Variants in SPIDR observed in about 807,000 individuals in gnomAD.
SPIDR encodes the protein DNA repair-scaffolding protein.
Under a neutral mutation model 104.6 loss-of-function variants are expected in SPIDR, and 93 were observed. The ratio of observed to expected loss-of-function variants is 0.89; its 90% CI spans 0.75 to 1.06. The LOEUF is 1.06. Among genes scored for constraint, SPIDR ranks in the 50% least tolerant of loss-of-function variants. SPIDR has a pLI of 0.00. For missense variants in SPIDR, 1,154 were observed against 1,111.2 expected (o/e 1.04, Z -0.55); for synonymous variants, 431 against 416.9 (o/e 1.03, Z -0.41).
chr8:47,333,943 T>C (rs2362555), intron 5 of SPIDR, among the ~76,000 whole-genome samples: 51,088 of 152,100 alleles, frequency 0.34, 9,558 homozygotes, highest in African/African-American at 0.5. Flanking sequence ...CCTCTAAGCA[T>C]TGCTTTCACT....
intron 10 of SPIDR, among the ~76,000 whole-genome samples, chr8:47,623,175 C>A (rs910998836): frequency 6.6e-6 from 1 of 152,160 alleles, no homozygotes; most frequent in African/African-American, 2.4e-5. Flanking sequence ...TTACCACAGA[C>A]AAGCAAATGC....
intron 8 of SPIDR, among the ~76,000 whole-genome samples, chr8:47,507,621 A>G (rs2081686878): frequency 1.3e-5 from 2 of 152,280 alleles, no homozygotes; most frequent in South Asian, 4.1e-4. Flanking sequence ...TTAATTTTGG[A>G]TGCTATTCAC....
At chr8:47,331,965 C>CTTTTTTTTTTTTTTTTTTTTCT (rs2048750319) in intron 5 of SPIDR, among the ~76,000 whole-genome samples, 1 of 32,702 alleles carries the variant, frequency 3.1e-5, no homozygotes, top group Non-Finnish European at 6.6e-5. Context: ...TTTTTTTAAA[C>CTTTTTTTTTTTTTTTTTTTTCT]TTTTTTTTTT....
At position 47,392,861 on chromosome 8, in the gene SPIDR, G is replaced by T. The variant is rs2060767877; in HGVS notation, c.526-3515G>T. 2.6e-5 allele frequency among the ~76,000 whole-genome samples: 4 copies of T among 152,118 alleles called. No individual in the cohort carries two copies. The South Asian group carries it at 8.3e-4, about 32-fold the overall frequency. On this transcript the variant is annotated intron_variant, in intron 5 of 19. Coordinates refer to ENST00000297423, the MANE Select transcript of SPIDR (RefSeq NM_001080394.4). Reference sequence around the variant, plus strand: ...TTTTATCTTCCGTTTATTCTTTAAGGCACATTCTTACCAAGGTCCCATGGA... The same window carrying T: ...TTTTATCTTCCGTTTATTCTTTAAGTCACATTCTTACCAAGGTCCCATGGA...
At chr8:47,689,287 C>T (rs957042834) in intron 11 of SPIDR, among the ~76,000 whole-genome samples, 5 of 152,188 alleles carry the variant, frequency 3.3e-5, no homozygotes, top group African/African-American at 7.2e-5. Context: ...GGTTGGTTGG[C>T]TTACCTTTAA....
intron 8 of SPIDR, among the ~76,000 whole-genome samples, chr8:47,462,446 C>T (rs868906536): frequency 7.9e-5 from 12 of 152,044 alleles, no homozygotes; most frequent in African/African-American, 7.2e-5. Flanking sequence ...GCTGTCTGTC[C>T]GGGTGAGGGC....
intron 8 of SPIDR, among the ~76,000 whole-genome samples, chr8:47,495,276 A>G (rs2079261469): frequency 1.3e-5 from 2 of 152,066 alleles, no homozygotes; most frequent in South Asian, 2.1e-4. Flanking sequence ...GACTGTGGGC[A>G]CATTGGGAAT....
intron 3 of SPIDR, among the ~76,000 whole-genome samples, chr8:47,284,933 A>C (rs1041470825): frequency 1.3e-5 from 2 of 152,270 alleles, no homozygotes; most frequent in Non-Finnish European, 2.9e-5. Flanking sequence ...TGCCATAGGC[A>C]GTCAGCCCCG....
intron 10 of SPIDR, among the ~76,000 whole-genome samples, chr8:47,668,465 A>C (rs2075299171): frequency 6.6e-6 from 1 of 151,990 alleles, no homozygotes; most frequent in Non-Finnish European, 1.5e-5. Context: ...ACATCCATTC[A>C]TGATTTAAAA....
At chr8:47,665,191 A>T (rs1488661846) in intron 10 of SPIDR, among the ~76,000 whole-genome samples, 1 of 152,238 alleles carries the variant, frequency 6.6e-6, no homozygotes, top group Non-Finnish European at 1.5e-5. Context: ...AAAACAACAA[A>T]GGAAACATGA....
At chr8:47,732,110 A>G (rs1405524327) in intron 19 of SPIDR, 1 of 702,296 alleles carries the variant, frequency 1.4e-6, no homozygotes, top group Non-Finnish European at 2.6e-6. Context: ...CACCCGTTCC[A>G]ATCCCCACCC....
intron 5 of SPIDR, chr8:47,360,800 T>G: frequency 1.0e-6 from 1 of 985,224 alleles, no homozygotes; most frequent in Non-Finnish European, 1.2e-6. Flanking sequence ...ATTTGTCTAC[T>G]GGTCACCAGT....
At chr8:47,610,779 T>C (rs2063506838) in intron 10 of SPIDR, among the ~76,000 whole-genome samples, 1 of 152,230 alleles carries the variant, frequency 6.6e-6, no homozygotes, top group Admixed American at 6.5e-5. Context: ...TCTTCCTCAC[T>C]TGCTGCTCTG....
chr8:47,543,013 A>G (rs961727690), intron 8 of SPIDR, among the ~76,000 whole-genome samples: 12 of 152,220 alleles, frequency 7.9e-5, no homozygotes, highest in Non-Finnish European at 1.2e-4. Flanking sequence ...TGTTGCATGT[A>G]TAAGTAGTTA....
At chr8:47,591,934 AT>A (rs1236560440) in intron 8 of SPIDR, among the ~76,000 whole-genome samples, 1 of 152,198 alleles carries the variant, frequency 6.6e-6, no homozygotes, top group Non-Finnish European at 1.5e-5. Flanking sequence ...AACAATCCAG[AT>A]GATACTTCTA....
At chr8:47,630,539 C>G (rs2066897847) in intron 10 of SPIDR, among the ~76,000 whole-genome samples, 2 of 152,128 alleles carry the variant, frequency 1.3e-5, no homozygotes. Context: ...TAGAACTTTC[C>G]ATTGCTATAA....
chr8:47,261,482 G>T (rs1174769422), intron 1 of SPIDR, among the ~76,000 whole-genome samples: 2 of 152,242 alleles, frequency 1.3e-5, no homozygotes, highest in African/African-American at 2.4e-5. Context: ...CAGAACGGGA[G>T]CGGGTGCCTA....
chr8:47,723,714 C>G (rs1322486370), intron 16 of SPIDR, among the ~76,000 whole-genome samples: 1 of 152,162 alleles, frequency 6.6e-6, no homozygotes, highest in Non-Finnish European at 1.5e-5. Context: ...CAGGCGTGAG[C>G]CACCACGCCC....
chr8:47,510,751 T>C lies in SPIDR; in HGVS notation c.1097+70209T>C, dbSNP rs114171377. ...TTTGCAATAATTACAATCTTCAGTT[T>C]CTATGTCTATATAATATTTCTTTTT... On this transcript the variant is annotated intron_variant, in intron 8 of 19. Coordinates refer to ENST00000297423, the MANE Select transcript of SPIDR (RefSeq NM_001080394.4). Among the ~76,000 whole-genome samples the C allele has an allele frequency of 9.2e-3, 1,405 of 152,368 alleles. 23 individuals carry two copies. The highest frequency in any genetic ancestry group is 0.031 in the African/African-American group (1,307 of 41,586).
Sources: allele counts gnomAD v4.1 joint callset (sites outside exome capture counted in the v4.1 genomes callset), GRCh38; gene constraint gnomAD v4.1.1; transcripts MANE v1.5; gene names NCBI Gene and HGNC (gene_info 2026-07-23, HGNC 2026-07-21).